Variants in ATP8A2 observed in about 807,000 individuals in gnomAD.
The protein encoded by ATP8A2 is phospholipid-transporting ATPase IB.
ATP8A2 carries 100 observed loss-of-function variants against 165.6 expected under a neutral mutation model. The observed-to-expected ratio is 0.60, with a 90% CI of 0.51 to 0.71. The LOEUF is 0.71. ATP8A2 is among the 30% of genes least tolerant of loss of function. The pLI, the probability that ATP8A2 is intolerant of heterozygous loss-of-function variation, is 0.00. For synonymous variants in ATP8A2, 543 were observed against 548.8 expected (o/e 0.99, Z 0.15); for missense variants, 1,227 against 1,479.5 (o/e 0.83, Z 2.80).
At position 26,025,116 on chromosome 13, in the gene ATP8A2, C is replaced by CAAAAAAAAAAAAAAA; in HGVS notation, c.*5138_*5152dup. The CAAAAAAAAAAAAAAA allele has an allele frequency of 1.1e-5, 1 of 94,816 alleles. No homozygotes were observed. Among genetic ancestry groups the CAAAAAAAAAAAAAAA allele is most frequent in the Non-Finnish European group, 2.1e-5 (1 of 48,434 alleles). The allele number at this position is 94,816 out of a possible 1,614,324, so 5.9% of individuals were successfully genotyped here. ...GTGAATCAATAAACACCAACAACAA[C>CAAAAAAAAAAAAAAA]AAAAAAAAAAAAAAAAAAAAAGGAA... On this transcript the variant is annotated 3_prime_UTR_variant, in exon 37 of 37. Transcript: ENST00000381655.
intron 27 of ATP8A2, among the ~76,000 whole-genome samples, chr13:25,803,885 A>G (rs1317964831): frequency 6.6e-6 from 1 of 152,242 alleles, no homozygotes; most frequent in Non-Finnish European, 1.5e-5. Flanking sequence ...CACAGTACTC[A>G]ATCTCTAGCT....
chr13:25,606,860 A>G lies in ATP8A2; in HGVS notation c.2211+17161A>G, dbSNP rs529954026. Among the ~76,000 whole-genome samples, 14 of 152,302 alleles carry G rather than the reference A, an allele frequency of 9.2e-5. No homozygotes were observed. In the South Asian group the frequency reaches 2.9e-3, roughly 32 times the overall value. On this transcript the variant is annotated intron_variant, in intron 24 of 36. Coordinates refer to ENST00000381655, the MANE Select transcript of ATP8A2 (RefSeq NM_016529.6). ...ATCAATTTTAAGTAATTTAAATTTTAATAGCCACATGTGACTAGTGGCTAC... is the reference window on the plus strand; with the variant it reads ...ATCAATTTTAAGTAATTTAAATTTTGATAGCCACATGTGACTAGTGGCTAC...
chr13:25,741,458 G>A (rs1200116738), intron 25 of ATP8A2, among the ~76,000 whole-genome samples: 1 of 152,130 alleles, frequency 6.6e-6, no homozygotes, highest in Non-Finnish European at 1.5e-5. Flanking sequence ...ATGGCTCACT[G>A]CAGCCGCAAG....
intron 33 of ATP8A2, among the ~76,000 whole-genome samples, chr13:25,870,377 G>C (rs1952641565): frequency 6.6e-6 from 1 of 152,116 alleles, no homozygotes; most frequent in Non-Finnish European, 1.5e-5. Context: ...TCCTCACCTA[G>C]GTCCCTGGAC....
At chr13:25,729,578 C>T (rs993726001) in intron 25 of ATP8A2, among the ~76,000 whole-genome samples, 1 of 152,298 alleles carries the variant, frequency 6.6e-6, no homozygotes, top group African/African-American at 2.4e-5. Context: ...TGGACTGTGT[C>T]GCGACACGTG....
chr13:25,389,340 C>G (rs2033163485), intron 1 of ATP8A2, among the ~76,000 whole-genome samples: 1 of 152,016 alleles, frequency 6.6e-6, no homozygotes, highest in Non-Finnish European at 1.5e-5. Flanking sequence ...CTTAATGAGG[C>G]CAGTAATTGT....
Position 26,021,805 on chromosome 13 carries a change from C to T in ATP8A2, c.*1820C>T, listed in dbSNP as rs1327042105. 1 of 152,170 alleles carries T rather than the reference C, an allele frequency of 6.6e-6. No individual in the cohort carries two copies. Among genetic ancestry groups the T allele is most frequent in the Non-Finnish European group, 1.5e-5 (1 of 68,028 alleles). 9.4% of individuals were successfully genotyped at this position (152,170 alleles called of 1,614,324 possible). A position where few individuals can be genotyped will look rare whatever the true frequency, so the allele number is the denominator to read the frequency against. ...CACCTGTCACTCTTAGCTCTAGAGT[C>T]GGAGGATGAGTCAACCCTGTAGGAA... On this transcript the variant is annotated 3_prime_UTR_variant, in exon 37 of 37. Coordinates refer to ENST00000381655, the MANE Select transcript of ATP8A2 (RefSeq NM_016529.6).
At chr13:25,926,615 A>G (rs1245321409) in intron 33 of ATP8A2, among the ~76,000 whole-genome samples, 4 of 152,200 alleles carry the variant, frequency 2.6e-5, no homozygotes, top group Non-Finnish European at 5.9e-5. Flanking sequence ...GCAACAGATC[A>G]TGGGGATTTG....
chr13:25,431,504 G>GGT (rs2034612362), intron 1 of ATP8A2, among the ~76,000 whole-genome samples: 1 of 151,896 alleles, frequency 6.6e-6, no homozygotes, highest in South Asian at 2.1e-4. Context: ...TTCGGCGGCG[G>GGT]GGGGGGAATC....
intron 2 of ATP8A2, among the ~76,000 whole-genome samples, chr13:25,510,174 A>AACACACACACACACAC (rs57755000): frequency 3.1e-5 from 4 of 128,494 alleles, no homozygotes; most frequent in African/African-American, 8.9e-5. Flanking sequence ...GTCTGTCTGT[A>AACACACACACACACAC]ACACACACAC....
intron 33 of ATP8A2, among the ~76,000 whole-genome samples, chr13:25,940,126 T>A (rs1955031602): frequency 6.6e-6 from 1 of 152,132 alleles, no homozygotes; most frequent in African/African-American, 2.4e-5. Flanking sequence ...TCTCCTTTGC[T>A]GACTTCCCGT....
At chr13:25,758,625 C>G (rs555287528) in intron 25 of ATP8A2, among the ~76,000 whole-genome samples, 1 of 152,136 alleles carries the variant, frequency 6.6e-6, no homozygotes, top group South Asian at 2.1e-4. Flanking sequence ...TATAGGCAGG[C>G]CCCCATGTAC....
chr13:25,431,747 ATT>A (rs888736678), intron 1 of ATP8A2, among the ~76,000 whole-genome samples: 2 of 152,178 alleles, frequency 1.3e-5, no homozygotes, highest in African/African-American at 4.8e-5. Flanking sequence ...ATAGGAATTA[ATT>A]TTTTTGTTTC....
At chr13:25,446,846 ATTTTG>A (rs67383062) in intron 1 of ATP8A2, among the ~76,000 whole-genome samples, 80,866 of 150,678 alleles carry the variant, frequency 0.54, 21,793 homozygotes, top group East Asian at 0.69. Flanking sequence ...TAAACCTAGG[ATTTTG>A]TTTTGTTTTG....
rs756405035 is a variant in ATP8A2 at position 25,840,141 on chromosome 13, A to T, written c.2956+517A>T. Reference sequence around the variant, plus strand: ...ATTCTCCAGATTGGTGTTTGTCTTTACAGCTAGAAGAGGATGTCTGAGAAC... The same window carrying T: ...ATTCTCCAGATTGGTGTTTGTCTTTTCAGCTAGAAGAGGATGTCTGAGAAC... On this transcript the variant is annotated intron_variant, in intron 30 of 36. Transcript: ENST00000381655. 2.0e-5 allele frequency among the ~76,000 whole-genome samples: 3 copies of T among 152,322 alleles called. No homozygotes were observed. In the South Asian group the frequency reaches 6.2e-4, roughly 32 times the overall value.
In ATP8A2 at chr13:25,475,892, C is replaced by T. The variant is rs894048124; in HGVS notation, c.221+6771C>T. 1.4e-4 allele frequency among the ~76,000 whole-genome samples: 21 copies of T among 152,116 alleles called. 1 individual carries two copies. The highest frequency in any genetic ancestry group is 1.0e-3 in the Admixed American group (16 of 15,268). On this transcript the variant is annotated intron_variant, in intron 2 of 36. Transcript: ENST00000381655. ...GTATTTTGTTCTTATAAATTTGTTT[C>T]AGTTCCTTATAGGTGCTGGATATTA... is the stretch of plus-strand genomic sequence containing the variant.
chr13:25,674,514 G>A (rs2042333559), intron 24 of ATP8A2, among the ~76,000 whole-genome samples: 1 of 152,202 alleles, frequency 6.6e-6, no homozygotes, highest in African/African-American at 2.4e-5. Flanking sequence ...TTCACCAAGA[G>A]AGGATTAGAA....
intron 27 of ATP8A2, among the ~76,000 whole-genome samples, chr13:25,777,576 A>G (rs1286644681): frequency 2.6e-5 from 4 of 152,236 alleles, no homozygotes; most frequent in South Asian, 2.1e-4. Context: ...ACAATAGCCA[A>G]TATGTTGTCA....
intron 1 of ATP8A2, among the ~76,000 whole-genome samples, chr13:25,402,697 T>C (rs971357121): frequency 2.0e-5 from 3 of 152,098 alleles, no homozygotes; most frequent in Non-Finnish European, 4.4e-5. Flanking sequence ...GGTGGGGTAT[T>C]TAGGAGATGA....
Sources: allele counts gnomAD v4.1 joint callset (sites outside exome capture counted in the v4.1 genomes callset), GRCh38; gene constraint gnomAD v4.1.1; transcripts MANE v1.5; gene names NCBI Gene and HGNC (gene_info 2026-07-23, HGNC 2026-07-21).